The following PPP1R13B variants were observed in gnomAD, a reference collection of about 807,000 sequenced individuals.
The protein encoded by PPP1R13B is apoptosis-stimulating of p53 protein 1.
A neutral mutation model predicts 119.8 loss-of-function variants in PPP1R13B; 44 were observed. The ratio of observed to expected loss-of-function variants is 0.37; its 90% CI spans 0.29 to 0.47. PPP1R13B has a LOEUF of 0.47. Among genes scored for constraint, PPP1R13B ranks in the 20% least tolerant of loss-of-function variants. The pLI, the probability that PPP1R13B is intolerant of heterozygous loss-of-function variation, is 0.99. For synonymous variants in PPP1R13B, 542 were observed against 561.5 expected, an observed-to-expected ratio of 0.97 and a Z score of 0.49; for missense variants, 1,227 against 1,413.5, an observed-to-expected ratio of 0.87 and a Z score of 2.12.
chr14:103,745,786 C>T (rs1430200200), intron 9 of PPP1R13B, among the ~76,000 whole-genome samples: 1 of 152,076 alleles, frequency 6.6e-6, no homozygotes, highest in African/African-American at 2.4e-5. Context: ...AGAGGACACT[C>T]GTGGGTCAGT....
intron 4 of PPP1R13B, among the ~76,000 whole-genome samples, chr14:103,762,596 TA>T (rs11446097): frequency 0.067 from 9,357 of 139,392 alleles, 294 homozygotes; most frequent in Middle Eastern, 0.12. Context: ...CTTAAAGTAT[TA>T]AAAAAAAAAA....
rs142627655 is a variant in PPP1R13B at position 103,743,540 on chromosome 14, A to C, written c.1151-717T>G. On this transcript the variant is annotated intron_variant, in intron 9 of 16. Transcript: ENST00000202556. ...CCCTCACAGTGGCCGAAAGTCCATT[A>C]TAACACAGGCTCCTGGTTCTCTTTT... Among the ~76,000 whole-genome samples, 508 of 152,374 alleles carry C rather than the reference A, an allele frequency of 3.3e-3. 2 individuals are homozygous for C. Among genetic ancestry groups the C allele is most frequent in the African/African-American group, 0.012 (480 of 41,588 alleles).
chr14:103,775,789 G>A (rs550488408), intron 4 of PPP1R13B, among the ~76,000 whole-genome samples: 3 of 152,204 alleles, frequency 2.0e-5, no homozygotes, highest in Middle Eastern at 3.4e-3. Context: ...AAGCAGATCC[G>A]CCTGGAAGAA....
chr14:103,831,790 GC>G (rs2086669637), intron 1 of PPP1R13B, among the ~76,000 whole-genome samples: 1 of 152,118 alleles, frequency 6.6e-6, no homozygotes, highest in Non-Finnish European at 1.5e-5. Flanking sequence ...ACAAAAATTA[GC>G]CAGGCATGGT....
intron 12 of PPP1R13B, 64 bp from the exon 13 acceptor site, chr14:103,739,087 T>A: frequency 6.4e-7 from 1 of 1,557,736 alleles, no homozygotes; most frequent in East Asian, 2.3e-5. Context: ...AACCCACGCC[T>A]GCTGGGAAGG....
At chr14:103,844,160 G>A (rs915463899) in intron 1 of PPP1R13B, among the ~76,000 whole-genome samples, 4 of 151,720 alleles carry the variant, frequency 2.6e-5, no homozygotes, top group Non-Finnish European at 5.9e-5. Flanking sequence ...CCAGCTACTC[G>A]GGAGGCTGTG....
intron 4 of PPP1R13B, chr14:103,764,596 C>A: frequency 5.7e-6 from 1 of 175,360 alleles, no homozygotes; most frequent in Non-Finnish European, 1.3e-5. Flanking sequence ...ATGAAAGTTT[C>A]AAAATGCTTA....
intron 1 of PPP1R13B, among the ~76,000 whole-genome samples, chr14:103,813,840 C>A (rs1217236709): frequency 1.3e-5 from 2 of 152,126 alleles, no homozygotes; most frequent in African/African-American, 2.4e-5. Context: ...TTGAAAGATA[C>A]TACTCTGAGG....
In PPP1R13B at chr14:103,740,391, G is replaced by C. The variant is rs1356668970; in HGVS notation, c.2025C>G (p.Leu675=). ...GCAGTGGCGAATGCACGATGGGCGT[G>C]AGCTTGGTGGGGCTGAGTGGCCGTG... The part of the protein sequence containing the change: ...SLPRPLSPTK[L]TPIVHSPLRY... Residue 675 remains leucine, a synonymous_variant, in exon 12 of 17, where the codon CTC becomes CTG. Coordinates refer to ENST00000202556, the MANE Select transcript of PPP1R13B (RefSeq NM_015316.3). This position sits in a 1 kb window ranked among gnomAD's most constrained non-coding sequence, Gnocchi z 4.6. 1.8e-5 allele frequency: 28 copies of C among 1,575,444 alleles called. No homozygotes were observed. The highest frequency in any genetic ancestry group is 2.2e-5 in the Non-Finnish European group (26 of 1,158,298).
chr14:103,784,965 C>A, intron 2 of PPP1R13B, 51 bp from the exon 3 acceptor site: 1 of 1,471,548 alleles, frequency 6.8e-7, no homozygotes, highest in Non-Finnish European at 9.2e-7. Context: ...TGACTCCAAC[C>A]AAAAGTAAAT....
At chr14:103,739,171 G>T in intron 12 of PPP1R13B, 148 bp from the exon 13 acceptor site, 1 of 1,088,108 alleles carries the variant, frequency 9.2e-7, no homozygotes, top group Non-Finnish European at 1.3e-6. Context: ...GCAGCGCCCA[G>T]GTGACCACCT....
At chr14:103,810,037 G>A (rs1302680726) in intron 1 of PPP1R13B, among the ~76,000 whole-genome samples, 1 of 150,618 alleles carries the variant, frequency 6.6e-6, no homozygotes, top group African/African-American at 2.4e-5. Context: ...ATGTTGGCCA[G>A]ATGGTCTTGA....
chr14:103,740,102 G>A lies in PPP1R13B; in HGVS notation c.2314C>T (p.Leu772Phe), dbSNP rs779715519. 7.2e-5 allele frequency: 116 copies of A among 1,613,612 alleles called. 2 individuals carry two copies. In the South Asian group the frequency reaches 1.2e-3, roughly 16 times the overall value. Reference sequence around the variant, plus strand: ...GGGGCTGTGGGCTGGGCAGGGGGGAGCTCTTCCAGGTTTCCATTGGCATTG... The same window carrying A: ...GGGGCTGTGGGCTGGGCAGGGGGGAACTCTTCCAGGTTTCCATTGGCATTG... ...NTNANGNLEE[L>F]PPAQPTAPLP... Residue 772 changes from leucine to phenylalanine, a missense_variant, in exon 12 of 17, where the codon CTC becomes TTC. By Grantham distance (22) the Leu-to-Phe change is conservative (BLOSUM62 0). Transcript: ENST00000202556. This position sits in a 1 kb window ranked among gnomAD's most constrained non-coding sequence, Gnocchi z 4.6.
intron 6 of PPP1R13B, 24 bp downstream of exon 6, chr14:103,754,046 C>A (rs748413656): frequency 6.2e-7 from 1 of 1,608,086 alleles, no homozygotes; most frequent in Non-Finnish European, 8.5e-7. Context: ...AGAGTGGTGT[C>A]GAGGGGGTGT....
intron 11 of PPP1R13B, 63 bp downstream of exon 11, chr14:103,741,727 A>G: frequency 1.3e-6 from 2 of 1,516,912 alleles, no homozygotes; most frequent in Non-Finnish European, 1.8e-6. Context: ...ATACATTAGT[A>G]TTTTCTTAAT....
At chr14:103,799,551 A>G (rs2085847033) in intron 1 of PPP1R13B, among the ~76,000 whole-genome samples, 1 of 150,822 alleles carries the variant, frequency 6.6e-6, no homozygotes, top group African/African-American at 2.4e-5. Flanking sequence ...GACCTCAAGT[A>G]ATCCGCCTGC....
Position 103,817,975 on chromosome 14 carries a change from T to C in PPP1R13B, c.10-20457A>G, listed in dbSNP as rs144883965. ...TTGATGAAACTACAGGAAATAATCT[T>C]TACCCAAAAATTATCAGATGGGTAA... is the stretch of plus-strand genomic sequence containing the variant. On this transcript the variant is annotated intron_variant, in intron 1 of 16. Transcript: ENST00000202556. Among the ~76,000 whole-genome samples, 555 of 152,214 alleles carry C rather than the reference T, an allele frequency of 3.6e-3. 5 individuals carry two copies. Among genetic ancestry groups the C allele is most frequent in the African/African-American group, 0.013 (538 of 41,546 alleles).
chr14:103,759,385 TGG>T (rs1021382162), intron 4 of PPP1R13B: 1 of 151,218 alleles, frequency 6.6e-6, no homozygotes, highest in African/African-American at 2.4e-5. Context: ...TCACCCAGGC[TGG>T]GGTACAGTGG....
At chr14:103,830,724 G>A (rs1165410230) in intron 1 of PPP1R13B, among the ~76,000 whole-genome samples, 1 of 152,118 alleles carries the variant, frequency 6.6e-6, no homozygotes, top group African/African-American at 2.4e-5. Flanking sequence ...CTGAATGGCT[G>A]GGGATTTAAC....
Sources: allele counts gnomAD v4.1 joint callset (sites outside exome capture counted in the v4.1 genomes callset), GRCh38; gene constraint gnomAD v4.1.1; non-coding constraint Gnocchi (gnomAD v3.1); transcripts MANE v1.5; gene names NCBI Gene and HGNC (gene_info 2026-07-23, HGNC 2026-07-21).